PALM3: variants seen among roughly 807,000 people sequenced by gnomAD.
The protein encoded by PALM3 is paralemmin 3.
Under a neutral mutation model 27.9 loss-of-function variants are expected in PALM3, and 20 were observed. That is an observed-to-expected ratio of 0.72 (90% CI 0.50 to 1.04). The LOEUF (loss-of-function observed/expected upper bound fraction) is 1.04. PALM3 is among the 50% of genes least tolerant of loss of function. The probability of loss-of-function intolerance (pLI) is 0.00; values close to 1 mark genes in which losing one functional copy is unlikely to be tolerated. For synonymous variants in PALM3, 328 were observed against 352.7 expected (o/e 0.93, Z 0.79); for missense variants, 814 against 869.4 (o/e 0.94, Z 0.80).
At chr19:14,059,287 C>G in intron 1 of PALM3, 124 bp from the exon 2 acceptor site, 1 of 938,148 alleles carries the variant, frequency 1.1e-6, no homozygotes, top group South Asian at 2.3e-5. Context: ...CCCCTTTGCA[C>G]CTGGGAAGAG....
At position 14,056,653 on chromosome 19, in the gene PALM3, TC is replaced by T. The variant is rs751045348; in HGVS notation, c.314+8del. 1.4e-5 allele frequency: 22 copies of T among 1,551,746 alleles called. No homozygotes were observed. The South Asian group carries it at 2.6e-4, about 18-fold the overall frequency. ...AGGGTTCGGGCAGAGCTAGAAGGTC[TC>T]CACTCACGTGAACAAACTGTCTTCC... On this transcript the variant is annotated splice_region_variant and intron_variant, in intron 4 of 6. Transcript: ENST00000669674.
rs1976278753 is a variant in PALM3, at chr19:14,055,138, G to T, written c.534C>A (p.Val178=). Reference sequence around the variant, plus strand: ...GCCTCGGGCCTGGCAGAAACCCCAAGACATCCTCCCTGGGCTCAGAGGGGG... The same window carrying T: ...GCCTCGGGCCTGGCAGAAACCCCAATACATCCTCCCTGGGCTCAGAGGGGG... ...PESPSEPRED[V]LGFLPGPRQV... is the part of the protein sequence containing the mutation. Residue 178 remains valine, a synonymous_variant, in exon 7 of 7, where the codon GTC becomes GTA. Coordinates refer to ENST00000669674, the MANE Select transcript of PALM3 (RefSeq NM_001145028.2). The T allele has an allele frequency of 6.5e-7, 1 of 1,550,306 alleles. No individual in the cohort carries two copies.
chr19:14,061,572 G>C (rs2145708413), intron 1 of PALM3, among the ~76,000 whole-genome samples: 1 of 152,228 alleles, frequency 6.6e-6, no homozygotes, highest in East Asian at 1.9e-4. Context: ...TGGATCTCAA[G>C]CCTTTTCTCC....
chr19:14,060,158 G>A (rs906568360), intron 1 of PALM3, among the ~76,000 whole-genome samples: 1 of 152,028 alleles, frequency 6.6e-6, no homozygotes, highest in African/African-American at 2.4e-5. Context: ...ATGGACGGGC[G>A]CTGATCAAAC....
chr19:14,059,727 G>C (rs545391745), intron 1 of PALM3, among the ~76,000 whole-genome samples: 1 of 151,974 alleles, frequency 6.6e-6, no homozygotes, highest in Non-Finnish European at 1.5e-5. Flanking sequence ...TCAAGCGCTG[G>C]GGGGGCAAGC....
At position 14,054,939 on chromosome 19, in the gene PALM3, C is replaced by A; in HGVS notation, c.733G>T (p.Asp245Tyr). Reference sequence around the variant, plus strand: ...GGGCCCGTGGCCCCTGTGGCACAGTCCTCTGTGGCCCTCAGCCCTTCCCAC... The same window carrying A: ...GGGCCCGTGGCCCCTGTGGCACAGTACTCTGTGGCCCTCAGCCCTTCCCAC... ...VVWEGLRATEDCATGATGPEL... is the reference protein window; with the variant it reads ...VVWEGLRATEYCATGATGPEL... Residue 245 changes from aspartate to tyrosine, a missense_variant, in exon 7 of 7, where the codon GAC (aspartate) becomes TAC (tyrosine). By Grantham distance (160) the Asp-to-Tyr change is radical. Transcript: ENST00000669674. 6.5e-7 allele frequency: 1 copy of A among 1,549,620 alleles called. No homozygotes were observed. Among genetic ancestry groups the A allele is most frequent in the Non-Finnish European group, 8.7e-7 (1 of 1,146,920 alleles).
At chr19:14,055,656 G>C (rs1976291759) in intron 5 of PALM3, among the ~76,000 whole-genome samples, 1 of 152,186 alleles carries the variant, frequency 6.6e-6, no homozygotes, top group Non-Finnish European at 1.5e-5. Flanking sequence ...TAGCCAATCT[G>C]TATTAGGGGC....
At chr19:14,055,350 A>T (rs1189881287) in intron 6 of PALM3, 30 bp downstream of exon 6, 1 of 1,547,770 alleles carries the variant, frequency 6.5e-7, no homozygotes, top group East Asian at 2.4e-5. Context: ...GGGTGACCTG[A>T]CCCCCAGACC....
rs1028015158 is a variant in PALM3 at position 14,057,496 on chromosome 19, C to T, written c.91-65G>A. On this transcript the variant is annotated intron_variant, in intron 2 of 6. Transcript: ENST00000669674. ...CGGCCTCCACCACCTCCTCTTCCCT[C>T]CCTTTCCCCTCCCTCCTCCGCGGGG... The T allele has an allele frequency of 2.0e-4, 252 of 1,290,032 alleles. 1 individual carries two copies. The highest frequency in any genetic ancestry group is 2.5e-4 in the Non-Finnish European group (245 of 964,096). The allele number at this position is 1,290,032 out of a possible 1,614,324, so 79.9% of individuals were successfully genotyped here.
intron 1 of PALM3, among the ~76,000 whole-genome samples, chr19:14,060,365 A>G (rs558584994): frequency 1.1e-4 from 17 of 152,074 alleles, no homozygotes; most frequent in Non-Finnish European, 1.9e-4. Context: ...CTAGGTTCCC[A>G]CAGCCACCTC....
chr19:14,057,566 G>C, intron 2 of PALM3, 135 bp from the exon 3 acceptor site: 1 of 688,666 alleles, frequency 1.5e-6, no homozygotes. Flanking sequence ...GCCCGGCGGG[G>C]GTGGCCCAGC....
chr19:14,061,408 A>G (rs1307104828), intron 1 of PALM3, among the ~76,000 whole-genome samples: 1 of 152,134 alleles, frequency 6.6e-6, no homozygotes, highest in Non-Finnish European at 1.5e-5. Flanking sequence ...CACACACCCC[A>G]TTCCATCTTG....
At chr19:14,057,310 C>A in intron 3 of PALM3, 41 bp downstream of exon 3, 1 of 1,481,532 alleles carries the variant, frequency 6.7e-7, no homozygotes, top group Non-Finnish European at 9.1e-7. Flanking sequence ...ACCCCCCACT[C>A]CATTCCCCAG....
intron 1 of PALM3, among the ~76,000 whole-genome samples, chr19:14,061,377 C>G (rs1296462413): frequency 6.6e-6 from 1 of 152,164 alleles, no homozygotes; most frequent in African/African-American, 2.4e-5. Flanking sequence ...AAACTCTCAC[C>G]CCTCAGCTAT....
intron 1 of PALM3, 81 bp downstream of exon 1, chr19:14,061,859 G>T: frequency 1.1e-6 from 1 of 906,284 alleles, no homozygotes; most frequent in Non-Finnish European, 1.3e-6. Context: ...GGAGCTCTCG[G>T]CTCCCAGACA....
At position 14,055,355 on chromosome 19, in the gene PALM3, C is replaced by G. The variant is rs1474858533; in HGVS notation, c.445+25G>C. 1.9e-6 allele frequency: 3 copies of G among 1,551,110 alleles called. No homozygotes were observed. The East Asian group carries it at 7.3e-5, about 38-fold the overall frequency. On this transcript the variant is annotated intron_variant, in intron 6 of 6. Coordinates refer to ENST00000669674, the MANE Select transcript of PALM3 (RefSeq NM_001145028.2). The stretch of plus-strand genomic sequence containing the variant: ...CCAGGCTCTGGGGTGACCTGACCCC[C>G]AGACCTAGGGGCTCCCACACTTACC...
At chr19:14,055,575 C>T in intron 5 of PALM3, 150 bp from the exon 6 acceptor site, 1 of 767,196 alleles carries the variant, frequency 1.3e-6, no homozygotes, top group Non-Finnish European at 2.1e-6. Context: ...CTCTGCCTTC[C>T]TCATCTATCT....
At chr19:14,057,154 C>T (rs978739895) in intron 3 of PALM3, among the ~76,000 whole-genome samples, 197 bp downstream of exon 3, 1 of 152,104 alleles carries the variant, frequency 6.6e-6, no homozygotes, top group East Asian at 1.9e-4. Context: ...GAACAAATGT[C>T]CCCATGACCA....
Position 14,062,056 on chromosome 19 carries a change from T to C in PALM3, c.-76A>G. ...GCTTGCCTGAAGGTGCCCCGGAGGCTGTGACTTGGCTGCCTGGAGTGGGGG... is the reference window on the plus strand; with the variant it reads ...GCTTGCCTGAAGGTGCCCCGGAGGCCGTGACTTGGCTGCCTGGAGTGGGGG... On this transcript the variant is annotated 5_prime_UTR_variant, in exon 1 of 7. Transcript: ENST00000669674. 1.1e-6 allele frequency: 1 copy of C among 935,394 alleles called. No homozygotes were observed. Among genetic ancestry groups the C allele is most frequent in the Non-Finnish European group, 1.3e-6 (1 of 784,118 alleles). The allele number at this position is 935,394 out of a possible 1,614,324, so 57.9% of individuals were successfully genotyped here. A position where few individuals can be genotyped will look rare whatever the true frequency, so the allele number is the denominator to read the frequency against.
Sources: gnomAD v4.1 joint callset for allele counts (sites outside exome capture counted in the v4.1 genomes callset) on GRCh38, gnomAD v4.1.1 for gene constraint, MANE v1.5 for transcripts, NCBI Gene and HGNC (gene_info 2026-07-23, HGNC 2026-07-21) for gene names.